TOP2B: variants seen among roughly 807,000 people sequenced by gnomAD.
TOP2B encodes DNA topoisomerase 2-beta.
TOP2B carries 51 observed loss-of-function variants against 193.5 expected under a neutral mutation model. The ratio of observed to expected loss-of-function variants is 0.26; its 90% confidence interval spans 0.21 to 0.33. TOP2B has a LOEUF of 0.33. Ranked by LOEUF, TOP2B falls within the 10% of genes least tolerant of loss-of-function variation. TOP2B has a pLI of 1.00. For missense variants in TOP2B, 1,378 were observed against 1,909.3 expected, an observed-to-expected ratio of 0.72 and a Z score of 5.19; for synonymous variants, 634 against 635.7, an observed-to-expected ratio of 1.00 and a Z score of 0.04.
chr3:25,617,814 T>C (rs530267486), intron 25 of TOP2B, among the ~76,000 whole-genome samples: 82 of 152,304 alleles, frequency 5.4e-4, no homozygotes, highest in African/African-American at 1.9e-3. Flanking sequence ...AATATCCCAT[T>C]CATTTAACTA....
chr3:25,630,539 G>T, intron 11 of TOP2B, 70 bp from the exon 12 acceptor site: 1 of 1,260,382 alleles, frequency 7.9e-7, no homozygotes. Flanking sequence ...AATGAAGTCA[G>T]AAAATTAACA....
At chr3:25,616,529 T>C (rs1702509424) in intron 25 of TOP2B, among the ~76,000 whole-genome samples, 1 of 151,928 alleles carries the variant, frequency 6.6e-6, no homozygotes, top group South Asian at 2.1e-4. Context: ...CAAAGCAAGA[T>C]GCTTCATTAT....
chr3:25,634,078 C>A (rs560275558), intron 7 of TOP2B, 64 bp from the exon 8 acceptor site: 5 of 1,227,084 alleles, frequency 4.1e-6, no homozygotes, highest in Non-Finnish European at 4.6e-6. Context: ...AGGTGAATCA[C>A]CTTCAGTACG....
chr3:25,654,106 G>A (rs1703676911), intron 1 of TOP2B, among the ~76,000 whole-genome samples: 1 of 152,082 alleles, frequency 6.6e-6, no homozygotes, highest in South Asian at 2.1e-4. Flanking sequence ...GTCCTAGTCA[G>A]AGCAATTAAG....
chr3:25,664,228 C>T lies in TOP2B; in HGVS notation c.69+1G>A. On this transcript the variant is annotated splice_donor_variant, in intron 1 of 35. Coordinates refer to ENST00000264331, the MANE Select transcript of TOP2B (RefSeq NM_001330700.2). LOFTEE classifies it high-confidence loss of function. ...GCCCGTCCCGGGGACCAGCCACTTA[C>T]CACCCAGGTCAGTGCCCCGTTGCCG... 1 of 1,539,368 alleles carries T rather than the reference C, an allele frequency of 6.5e-7. No homozygotes were observed. The highest frequency in any genetic ancestry group is 8.7e-7 in the Non-Finnish European group (1 of 1,146,058).
At chr3:25,639,270 G>C (rs995559908) in intron 4 of TOP2B, among the ~76,000 whole-genome samples, 1 of 152,182 alleles carries the variant, frequency 6.6e-6, no homozygotes, top group African/African-American at 2.4e-5. Flanking sequence ...ACTTAAGCTA[G>C]AGGAATATTT....
rs533305291 is a variant in TOP2B at position 25,604,460 on chromosome 3, AG to A, written c.4489+299del. On this transcript the variant is annotated intron_variant, in intron 33 of 35. Coordinates refer to ENST00000264331, the MANE Select transcript of TOP2B (RefSeq NM_001330700.2). ...ACATAGATAACAGAAGCAAGCTACT[AG>A]CAAGACAAAATTTTAATCTCCATTA... is the stretch of plus-strand genomic sequence containing the variant. Among the ~76,000 whole-genome samples, 1,281 of 152,302 alleles carry A rather than the reference AG, an allele frequency of 8.4e-3. 13 individuals are homozygous for A. The highest frequency in any genetic ancestry group is 0.028 in the African/African-American group (1,181 of 41,548).
chr3:25,618,465 C>G lies in TOP2B; in HGVS notation c.3304G>C (p.Gly1102Arg), dbSNP rs1013024921. ...KDLIQMLVQR[G>R]YESDPVKAWK... ...GCTTTCACTGGGTCAGATTCATAAC[C>G]TCTCTGGACTAACATTTGAATCAAA... Residue 1102 changes from glycine to arginine, a missense_variant, in exon 25 of 36, where the codon GGT (glycine) becomes CGT (arginine). Around this residue, in one of 9 missense-constraint regions of TOP2B, gnomAD observed 379 missense variants for 615.1 expected, o/e 0.62. Coordinates refer to ENST00000264331, the MANE Select transcript of TOP2B (RefSeq NM_001330700.2). 1 of 1,613,032 alleles carries G rather than the reference C, an allele frequency of 6.2e-7. No individual in the cohort carries two copies. Among genetic ancestry groups the G allele is most frequent in the Non-Finnish European group, 8.5e-7 (1 of 1,179,428 alleles).
At chr3:25,636,727 G>A (rs1703117395) in intron 6 of TOP2B, among the ~76,000 whole-genome samples, 1 of 151,976 alleles carries the variant, frequency 6.6e-6, no homozygotes, top group Non-Finnish European at 1.5e-5. Flanking sequence ...CATGCATGAT[G>A]CTTTTCCTGA....
rs201071120 is a variant in TOP2B, at chr3:25,634,014, C to A, written c.853G>T (p.Val285Leu). ...TCTACATAACTGCGAAATCCATTTA[C>A]CTATTAATTTAAAAAACAAAAACAA... ...KVMFNGKKLP[V>L]NGFRSYVDLY... is the part of the protein sequence containing the mutation. Residue 285 changes from valine to leucine, a missense_variant and splice_region_variant, in exon 8 of 36, where the codon GTA (valine) becomes TTA (leucine). By Grantham distance (32) the Val-to-Leu change is conservative. Transcript: ENST00000264331. The A allele has an allele frequency of 1.5e-4, 246 of 1,593,602 alleles. No homozygotes were observed. The highest frequency in any genetic ancestry group is 1.0e-3 in the Middle Eastern group (6 of 5,960).
chr3:25,656,900 G>C (rs1703761302), intron 1 of TOP2B, among the ~76,000 whole-genome samples: 1 of 152,122 alleles, frequency 6.6e-6, no homozygotes, highest in Non-Finnish European at 1.5e-5. Flanking sequence ...AATTAAGCTA[G>C]AATAAAACTG....
At chr3:25,658,539 A>T (rs981979953) in intron 1 of TOP2B, among the ~76,000 whole-genome samples, 13 of 152,076 alleles carry the variant, frequency 8.5e-5, no homozygotes, top group African/African-American at 2.9e-4. Context: ...TCATTTATAA[A>T]TATGATGATA....
intron 28 of TOP2B, among the ~76,000 whole-genome samples, chr3:25,612,011 C>T (rs1702384035): frequency 6.6e-6 from 1 of 151,868 alleles, no homozygotes; most frequent in Non-Finnish European, 1.5e-5. Flanking sequence ...GGCACAATCT[C>T]GGCTCACTGC....
chr3:25,641,217 C>T (rs750223496), intron 4 of TOP2B, among the ~76,000 whole-genome samples: 1 of 151,638 alleles, frequency 6.6e-6, no homozygotes, highest in African/African-American at 2.4e-5. Context: ...ACAATTGCAA[C>T]TATGTTCATC....
chr3:25,646,064 C>T (rs1395265859), intron 1 of TOP2B, among the ~76,000 whole-genome samples: 5 of 151,924 alleles, frequency 3.3e-5, no homozygotes, highest in African/African-American at 1.2e-4. Flanking sequence ...AGCCACCACA[C>T]CTGGACTCAA....
rs1332708734 is a variant in TOP2B at position 25,623,580 on chromosome 3, A to T, written c.2662T>A (p.Tyr888Asn). The T allele has an allele frequency of 6.2e-7, 1 of 1,613,920 alleles. No homozygotes were observed. The part of the protein sequence containing the change: ...GTGWACKLPN[Y>N]DAREIVNNVR... ...TTGTTCACAATTTCCCTAGCATCATAGTTGGGTAGTTTACAAGCCCATCCA... is the reference window on the plus strand; with the variant it reads ...TTGTTCACAATTTCCCTAGCATCATTGTTGGGTAGTTTACAAGCCCATCCA... Residue 888 changes from tyrosine to asparagine, a missense_variant, in exon 21 of 36, where the codon TAT (tyrosine) becomes AAT (asparagine). Transcript: ENST00000264331.
At chr3:25,641,002 G>A (rs1210424572) in intron 4 of TOP2B, among the ~76,000 whole-genome samples, 2 of 151,950 alleles carry the variant, frequency 1.3e-5, no homozygotes, top group Admixed American at 6.6e-5. Flanking sequence ...GACTGGTCTC[G>A]AGCTCCTGGG....
intron 18 of TOP2B, among the ~76,000 whole-genome samples, chr3:25,625,475 G>A (rs1237171771): frequency 2.6e-5 from 4 of 152,070 alleles, no homozygotes; most frequent in African/African-American, 7.2e-5. Flanking sequence ...CCCGTGGCCC[G>A]TGGGCTGCAT....
intron 33 of TOP2B, 43 bp downstream of exon 33, chr3:25,604,717 T>C (rs747435260): frequency 2.5e-5 from 35 of 1,388,700 alleles, no homozygotes; most frequent in Non-Finnish European, 3.3e-5. Context: ...TTACATTAAC[T>C]ATCTCTATCC....
Sources: allele counts gnomAD v4.1 joint callset (sites outside exome capture counted in the v4.1 genomes callset), GRCh38; gene constraint gnomAD v4.1.1; regional missense constraint gnomAD v4.1.1; transcripts MANE v1.5; gene names NCBI Gene and HGNC (gene_info 2026-07-23, HGNC 2026-07-21).